KIRREL3: variants seen among roughly 807,000 people sequenced by gnomAD.
KIRREL3 encodes the protein kin of IRRE-like protein 3.
KIRREL3 carries 36 observed loss-of-function variants against 89.7 expected under a neutral mutation model. The observed-to-expected ratio is 0.40, with a 90% CI of 0.31 to 0.53. The LOEUF (loss-of-function observed/expected upper bound fraction) is 0.53. Ranked by LOEUF, KIRREL3 falls within the 20% of genes least tolerant of loss-of-function variation. The pLI is 0.49. For synonymous variants in KIRREL3, 445 were observed against 441.4 expected (o/e 1.01, Z -0.10); for missense variants, 864 against 1,056.6 (o/e 0.82, Z 2.53).
At chr11:126,922,468 C>T (rs754975529) in intron 1 of KIRREL3, among the ~76,000 whole-genome samples, 77 of 152,086 alleles carry the variant, frequency 5.1e-4, no homozygotes, top group Non-Finnish European at 8.5e-4. Context: ...AACTCATCAT[C>T]GTGTGCCTGA....
rs901497021 is a variant in KIRREL3 at position 126,645,117 on chromosome 11, C to T, written c.56-82205G>A. ...TGAACACAGCATATTCTGAATATAT[C>T]GCAAGAGGGGTGCAGACTGGGCGTT... is the stretch of plus-strand genomic sequence containing the variant. On this transcript the variant is annotated intron_variant, in intron 1 of 16. Transcript: ENST00000525144. This position sits in a 1 kb window ranked among gnomAD's most constrained non-coding sequence, Gnocchi z 4.9. 2.6e-5 allele frequency among the ~76,000 whole-genome samples: 4 copies of T among 152,066 alleles called. No homozygotes were observed. The highest frequency in any genetic ancestry group is 7.3e-5 in the African/African-American group (3 of 41,370).
At chr11:126,592,632 T>C (rs1942193471) in intron 1 of KIRREL3, among the ~76,000 whole-genome samples, 1 of 152,202 alleles carries the variant, frequency 6.6e-6, no homozygotes, top group South Asian at 2.1e-4. Context: ...CAGTACACTC[T>C]GCATGCCTGC....
chr11:126,781,710 T>C (rs955760366), intron 1 of KIRREL3, among the ~76,000 whole-genome samples: 3 of 152,190 alleles, frequency 2.0e-5, no homozygotes, highest in Non-Finnish European at 2.9e-5. Flanking sequence ...CTTCGGCCCA[T>C]GCATCACGCA....
intron 1 of KIRREL3, among the ~76,000 whole-genome samples, chr11:126,799,695 A>G (rs1053022067): frequency 3.9e-5 from 6 of 152,080 alleles, no homozygotes; most frequent in African/African-American, 1.4e-4. Context: ...AGGAGCCGGG[A>G]GAACCAGAGA....
In KIRREL3 at chr11:126,528,366, C is replaced by T. The variant is rs1230896322; in HGVS notation, c.134-1679G>A. Among the ~76,000 whole-genome samples, 1 of 152,224 alleles carries T rather than the reference C, an allele frequency of 6.6e-6. No individual in the cohort carries two copies. The highest frequency in any genetic ancestry group is 1.5e-5 in the Non-Finnish European group (1 of 68,046). On this transcript the variant is annotated intron_variant, in intron 2 of 16. Transcript: ENST00000525144. This position sits in a 1 kb window ranked among gnomAD's most constrained non-coding sequence, Gnocchi z 4.6. ...GCAACAGATGACCCCAAGAGGGAGA[C>T]ACTTGGTGTGTATCAACCCAGGGGA...
Position 126,623,328 on chromosome 11 carries a change from G to A in KIRREL3, c.56-60416C>T, listed in dbSNP as rs1419153661. Among the ~76,000 whole-genome samples the A allele has an allele frequency of 1.3e-5, 2 of 152,114 alleles. No homozygotes were observed. Among genetic ancestry groups the A allele is most frequent in the African/African-American group, 2.4e-5 (1 of 41,414 alleles). On this transcript the variant is annotated intron_variant, in intron 1 of 16. Transcript: ENST00000525144. This position sits in a 1 kb window ranked among gnomAD's most constrained non-coding sequence, Gnocchi z 4.1. ...CCTGTCCTTGGTGGTGTATGAGCAG[G>A]CCCCTGGGATCGACACATGGATGAA... is the stretch of plus-strand genomic sequence containing the variant.
At chr11:126,869,667 C>G (rs1043987927) in intron 1 of KIRREL3, among the ~76,000 whole-genome samples, 6 of 152,100 alleles carry the variant, frequency 3.9e-5, no homozygotes, top group Non-Finnish European at 7.4e-5. Context: ...TCAGGGTGCT[C>G]TCATCATAGT....
In KIRREL3 at chr11:126,987,281, A is replaced by G. The variant is rs1949893838; in HGVS notation, c.55+13174T>C. On this transcript the variant is annotated intron_variant, in intron 1 of 16. Transcript: ENST00000525144. The surrounding 1 kb of genome is among the most constrained non-coding windows in gnomAD (Gnocchi z 4.6). ...AGTGAGCAAATCTAGCAGAGTCTAT[A>G]GTACGCATAAAGTCAACAATGAACA... Among the ~76,000 whole-genome samples, 1 of 152,258 alleles carries G rather than the reference A, an allele frequency of 6.6e-6. No homozygotes were observed. The highest frequency in any genetic ancestry group is 2.1e-4 in the South Asian group (1 of 4,830).
rs528843998 is a variant in KIRREL3, at chr11:126,695,045, C to T, written c.56-132133G>A. Among the ~76,000 whole-genome samples, 16 of 152,286 alleles carry T rather than the reference C, an allele frequency of 1.1e-4. No individual in the cohort carries two copies. In the South Asian group the frequency reaches 3.1e-3, roughly 30 times the overall value. ...TCTGGTAGCTAAAGCATTATGGGAA[C>T]CCATCCCTCACCCCCTTCTGTCTGC... is the stretch of plus-strand genomic sequence containing the variant. On this transcript the variant is annotated intron_variant, in intron 1 of 16. Transcript: ENST00000525144.
At position 126,931,626 on chromosome 11, in the gene KIRREL3, G is replaced by T. The variant is rs1174519197; in HGVS notation, c.55+68829C>A. 6.6e-6 allele frequency among the ~76,000 whole-genome samples: 1 copy of T among 152,196 alleles called. No individual in the cohort carries two copies. Among genetic ancestry groups the T allele is most frequent in the Non-Finnish European group, 1.5e-5 (1 of 68,028 alleles). On this transcript the variant is annotated intron_variant, in intron 1 of 16. Transcript: ENST00000525144. The surrounding 1 kb of genome is among the most constrained non-coding windows in gnomAD (Gnocchi z 5.1). ...ACTTTCTAGTAGCAAGTATAAGAAT[G>T]AGGATTCCAAGTCCTAGTTGTCTAA...
chr11:126,688,140 C>T (rs1216889852), intron 1 of KIRREL3, among the ~76,000 whole-genome samples: 2 of 152,180 alleles, frequency 1.3e-5, no homozygotes, highest in Non-Finnish European at 2.9e-5. Flanking sequence ...GCCTTATTGC[C>T]AACACTGTAA....
chr11:126,828,874 T>C (rs575140275), intron 1 of KIRREL3, among the ~76,000 whole-genome samples: 4 of 152,306 alleles, frequency 2.6e-5, no homozygotes, highest in South Asian at 4.1e-4. Flanking sequence ...TGGTGGTAGA[T>C]TGGGAGGTGA....
At position 126,594,718 on chromosome 11, in the gene KIRREL3, G is replaced by A. The variant is rs1202245659; in HGVS notation, c.56-31806C>T. On this transcript the variant is annotated intron_variant, in intron 1 of 16. Transcript: ENST00000525144. The surrounding 1 kb of genome is among the most constrained non-coding windows in gnomAD (Gnocchi z 5.0). The stretch of plus-strand genomic sequence containing the variant: ...CCATGCTCCTGGCCAACTCTCCTCT[G>A]TCCAGCCGCAGGTCCTCATAGAAAG... 1.3e-5 allele frequency among the ~76,000 whole-genome samples: 2 copies of A among 152,158 alleles called. No individual in the cohort carries two copies. The highest frequency in any genetic ancestry group is 3.9e-4 in the East Asian group (2 of 5,188).
At chr11:126,920,007 T>C (rs895657864) in intron 1 of KIRREL3, among the ~76,000 whole-genome samples, 1 of 152,244 alleles carries the variant, frequency 6.6e-6, no homozygotes, top group Admixed American at 6.5e-5. Flanking sequence ...ATGCTAAATG[T>C]GTTTATAATG....
At position 126,664,170 on chromosome 11, in the gene KIRREL3, C is replaced by T. The variant is rs2135027568; in HGVS notation, c.56-101258G>A. On this transcript the variant is annotated intron_variant, in intron 1 of 16. Coordinates refer to ENST00000525144, the MANE Select transcript of KIRREL3 (RefSeq NM_032531.4). The surrounding 1 kb of genome is among the most constrained non-coding windows in gnomAD (Gnocchi z 5.4). ...TTGAATGGGAATATCCATAATGCAC[C>T]TCCTATCCTCTATTACCATTCTGAG... Among the ~76,000 whole-genome samples the T allele has an allele frequency of 6.6e-6, 1 of 152,234 alleles. No individual in the cohort carries two copies. The highest frequency in any genetic ancestry group is 2.1e-4 in the South Asian group (1 of 4,812).
intron 1 of KIRREL3, among the ~76,000 whole-genome samples, chr11:126,910,654 T>C (rs1361746116): frequency 6.6e-6 from 1 of 152,172 alleles, no homozygotes; most frequent in Non-Finnish European, 1.5e-5. Context: ...TCGGGCAAGT[T>C]TCTCCACCCC....
intron 1 of KIRREL3, among the ~76,000 whole-genome samples, chr11:126,618,450 CAG>C (rs1943444535): frequency 6.6e-6 from 1 of 151,894 alleles, no homozygotes. Context: ...TGTTTTTAGA[CAG>C]AGTCTCATTC....
intron 4 of KIRREL3, 136 bp from the exon 5 acceptor site, chr11:126,473,602 T>C (rs1375499022): frequency 1.4e-6 from 1 of 727,298 alleles, no homozygotes; most frequent in South Asian, 2.2e-5. Flanking sequence ...TCCGCTTGTA[T>C]CGTAATGATG....
intron 1 of KIRREL3, among the ~76,000 whole-genome samples, chr11:126,973,960 A>T (rs1949500930): frequency 6.6e-6 from 1 of 152,030 alleles, no homozygotes; most frequent in South Asian, 2.1e-4. Flanking sequence ...GAAGAGTGAG[A>T]TTCATGTTCC....
Sources: allele counts gnomAD v4.1 joint callset (sites outside exome capture counted in the v4.1 genomes callset), GRCh38; gene constraint gnomAD v4.1.1; non-coding constraint Gnocchi (gnomAD v3.1); transcripts MANE v1.5; gene names NCBI Gene and HGNC (gene_info 2026-07-23, HGNC 2026-07-21).